The following PCDH15 variants were observed in gnomAD, a reference collection of about 807,000 sequenced individuals.
The protein encoded by PCDH15 is protocadherin-15.
A neutral mutation model predicts 178.5 loss-of-function variants in PCDH15; 129 were observed. The observed-to-expected ratio is 0.72, with a 90% CI of 0.63 to 0.84. The LOEUF (loss-of-function observed/expected upper bound fraction) is 0.84, where lower values mean the gene tolerates loss of function less well. PCDH15 is among the 40% of genes least tolerant of loss of function. The probability of loss-of-function intolerance (pLI) is 0.00; values close to 1 mark genes in which losing one functional copy is unlikely to be tolerated. For synonymous variants in PCDH15, 800 were observed against 732.0 expected (o/e 1.09, Z -1.50); for missense variants, 2,230 against 2,099.9 (o/e 1.06, Z -1.21).
intron 3 of PCDH15, among the ~76,000 whole-genome samples, chr10:54,466,169 T>C (rs2077503897): frequency 6.6e-6 from 1 of 151,990 alleles, no homozygotes; most frequent in South Asian, 2.1e-4. Flanking sequence ...TTCTTTACTC[T>C]GTTGATTGTT....
intron 9 of PCDH15, among the ~76,000 whole-genome samples, chr10:54,224,265 T>C (rs1719552911): frequency 6.6e-6 from 1 of 152,134 alleles, no homozygotes; most frequent in Admixed American, 6.6e-5. Flanking sequence ...AAAACAATTA[T>C]AACATGTAAC....
At chr10:54,939,912 C>A (rs1838017358) in intron 2 of PCDH15, among the ~76,000 whole-genome samples, 1 of 152,108 alleles carries the variant, frequency 6.6e-6, no homozygotes, top group African/African-American at 2.4e-5. Flanking sequence ...CCAAACAACC[C>A]AGCTCTTAAT....
intron 1 of PCDH15, among the ~76,000 whole-genome samples, chr10:54,749,557 T>G (rs1945924088): frequency 6.6e-6 from 1 of 152,130 alleles, no homozygotes; most frequent in Non-Finnish European, 1.5e-5. Context: ...TTTTTTAGAA[T>G]CTCTTCAAAT....
chr10:55,351,690 G>T (rs1844938866), intron 2 of PCDH15, among the ~76,000 whole-genome samples: 1 of 151,998 alleles, frequency 6.6e-6, no homozygotes, highest in African/African-American at 2.4e-5. Flanking sequence ...GCTTGATATT[G>T]GTTCTTTTCA....
chr10:55,324,479 A>G (rs142638699), upstream of PCDH15, among the ~76,000 whole-genome samples: 836 of 152,300 alleles, frequency 5.5e-3, 10 homozygotes, highest in African/African-American at 0.019. Flanking sequence ...ATCAACAAAA[A>G]TTTTAAAACA....
At chr10:54,236,769 G>A in intron 9 of PCDH15, 54 bp downstream of exon 9, 2 of 1,349,730 alleles carry the variant, frequency 1.5e-6, no homozygotes, top group East Asian at 4.6e-5. Context: ...GAGAGAATTT[G>A]TTACTGTAAG....
At chr10:54,306,076 A>C (rs1181572459) in intron 8 of PCDH15, among the ~76,000 whole-genome samples, 3 of 151,978 alleles carry the variant, frequency 2.0e-5, no homozygotes, top group Non-Finnish European at 4.4e-5. Flanking sequence ...TCTATTTTTC[A>C]ATGCCATTCT....
intron 1 of PCDH15, among the ~76,000 whole-genome samples, chr10:54,727,881 C>G (rs956301866): frequency 6.6e-6 from 1 of 151,264 alleles, no homozygotes; most frequent in Non-Finnish European, 1.5e-5. Flanking sequence ...AAGATTGAAC[C>G]AGAAAGAAAT....
chr10:55,183,695 A>G (rs1839715362), intron 1 of PCDH15, among the ~76,000 whole-genome samples: 1 of 151,270 alleles, frequency 6.6e-6, no homozygotes, highest in Non-Finnish European at 1.5e-5. Flanking sequence ...TTTCTAATTG[A>G]AAAAGAATGG....
intron 2 of PCDH15, among the ~76,000 whole-genome samples, chr10:54,917,488 C>T (rs1480259879): frequency 1.3e-5 from 2 of 152,184 alleles, no homozygotes; most frequent in African/African-American, 4.8e-5. Flanking sequence ...AAATACAGTA[C>T]ATCATAATAC....
At chr10:54,326,371 A>C in intron 7 of PCDH15, among the ~76,000 whole-genome samples, 1 of 152,334 alleles carries the variant, frequency 6.6e-6, no homozygotes, top group East Asian at 1.9e-4. Context: ...ATATGTACAA[A>C]TACACATACA....
intron 15 of PCDH15, among the ~76,000 whole-genome samples, chr10:54,110,368 G>T (rs1433097091): frequency 1.3e-5 from 2 of 150,548 alleles, no homozygotes; most frequent in African/African-American, 4.9e-5. Flanking sequence ...GATTGGAATT[G>T]AAGTTTTAGT....
chr10:55,075,968 T>C (rs1444059816), intron 2 of PCDH15, among the ~76,000 whole-genome samples: 2 of 152,192 alleles, frequency 1.3e-5, no homozygotes, highest in African/African-American at 2.4e-5. Flanking sequence ...TAATATTTGA[T>C]TTTCATGTTA....
At position 54,475,431 on chromosome 10, in the gene PCDH15, C is replaced by A. The variant is rs1589607458; in HGVS notation, c.157+52381G>T. Among the ~76,000 whole-genome samples, 7 of 151,958 alleles carry A rather than the reference C, an allele frequency of 4.6e-5. No individual in the cohort carries two copies. The East Asian group carries it at 9.7e-4, about 21-fold the overall frequency. ...CCTTAATATCACTATTTATAAAATT[C>A]CGATTACAATTCTTACTTGCAAGAT... On this transcript the variant is annotated intron_variant, in intron 3 of 37. Transcript: ENST00000644397.
chr10:54,212,737 A>T (rs1237616970), intron 10 of PCDH15, among the ~76,000 whole-genome samples: 1 of 152,190 alleles, frequency 6.6e-6, no homozygotes, highest in African/African-American at 2.4e-5. Context: ...GAATAAACAC[A>T]GGTTCTGTGC....
At chr10:55,181,571 T>C (rs1377784165) in intron 1 of PCDH15, among the ~76,000 whole-genome samples, 2 of 152,070 alleles carry the variant, frequency 1.3e-5, no homozygotes, top group East Asian at 1.9e-4. Flanking sequence ...TAAGGACTAT[T>C]TTAAATTTAT....
At chr10:54,098,517 C>A (rs2094744678) in intron 15 of PCDH15, among the ~76,000 whole-genome samples, 2 of 151,930 alleles carry the variant, frequency 1.3e-5, no homozygotes, top group South Asian at 4.2e-4. Context: ...TGAATTTAGC[C>A]CAATTATTCT....
Position 54,673,431 on chromosome 10 carries a change from C to CT in PCDH15, c.-28-9142dup, listed in dbSNP as rs112112293. Among the ~76,000 whole-genome samples, 9 of 151,948 alleles carry CT rather than the reference C, an allele frequency of 5.9e-5. No homozygotes were observed. The South Asian group carries it at 6.2e-4, about 11-fold the overall frequency. ...GTTGGTAATAGAAGGAAACATATAACTTTTTTTTGTTGTTTGTTTGTTTTG... is the reference window on the plus strand; with the variant it reads ...GTTGGTAATAGAAGGAAACATATAACTTTTTTTTTGTTGTTTGTTTGTTTTG... On this transcript the variant is annotated intron_variant, in intron 1 of 37. Coordinates refer to ENST00000644397, the MANE Select transcript of PCDH15 (RefSeq NM_001384140.1).
intron 2 of PCDH15, among the ~76,000 whole-genome samples, chr10:55,357,619 T>C (rs777541755): frequency 2.0e-5 from 3 of 152,050 alleles, no homozygotes; most frequent in Non-Finnish European, 2.9e-5. Context: ...ATGCTCTTTG[T>C]AGTATCTAGC....
Sources: allele counts gnomAD v4.1 joint callset (sites outside exome capture counted in the v4.1 genomes callset), GRCh38; gene constraint gnomAD v4.1.1; transcripts MANE v1.5; gene names NCBI Gene and HGNC (gene_info 2026-07-23, HGNC 2026-07-21).